The following SCGB2B2 variants were observed in gnomAD, a reference collection of about 807,000 sequenced individuals.
SCGB2B2 encodes secretoglobin-like protein.
SCGB2B2 carries 11 observed loss-of-function variants against 7.6 expected under a neutral mutation model. The observed-to-expected ratio is 1.45, with a 90% CI of 0.91 to 2.40. The LOEUF (loss-of-function observed/expected upper bound fraction) is 2.40. Ranked by LOEUF, SCGB2B2 falls within the 30% of genes most tolerant of loss-of-function variation. SCGB2B2 has a pLI of 0.00. For missense variants in SCGB2B2, 104 were observed against 115.4 expected, an observed-to-expected ratio of 0.90 and a Z score of 0.45; for synonymous variants, 50 against 48.6, an observed-to-expected ratio of 1.03 and a Z score of -0.12.
intron 1 of SCGB2B2, among the ~76,000 whole-genome samples, chr19:34,618,088 G>C (rs1039143484): frequency 6.7e-6 from 1 of 150,130 alleles, no homozygotes; most frequent in African/African-American, 2.5e-5. Context: ...GAAATCACTC[G>C]TCTTCTGCAT....
chr19:34,639,717 G>C (rs1388590134), intron 1 of SCGB2B2, among the ~76,000 whole-genome samples: 3 of 152,124 alleles, frequency 2.0e-5, no homozygotes, highest in Non-Finnish European at 2.9e-5. Context: ...GACCTATCTT[G>C]GGTCCGCAGA....
At chr19:34,636,106 A>G (rs1371609436) in intron 1 of SCGB2B2, among the ~76,000 whole-genome samples, 1 of 152,248 alleles carries the variant, frequency 6.6e-6, no homozygotes, top group Non-Finnish European at 1.5e-5. Flanking sequence ...ATGGCTCCTC[A>G]TCCTCCATTA....
At chr19:34,627,430 G>GAAAAT (rs2066410666) in intron 1 of SCGB2B2, among the ~76,000 whole-genome samples, 1 of 151,890 alleles carries the variant, frequency 6.6e-6, no homozygotes, top group African/African-American at 2.4e-5. Flanking sequence ...CAAGCAAATG[G>GAAAAT]AAAACAAAAC....
At chr19:34,615,264 C>A (rs2066039514) in intron 1 of SCGB2B2, among the ~76,000 whole-genome samples, 1 of 152,120 alleles carries the variant, frequency 6.6e-6, no homozygotes, top group Non-Finnish European at 1.5e-5. Flanking sequence ...GGACTCTAGG[C>A]AGCTTCCTCA....
Position 34,614,269 on chromosome 19 carries a change from T to TAA in SCGB2B2, c.-2031-17677_-2031-17676dup, listed in dbSNP as rs559983499. Among the ~76,000 whole-genome samples the TAA allele has an allele frequency of 7.2e-5, 11 of 152,280 alleles. No homozygotes were observed. In the South Asian group the frequency reaches 2.3e-3, roughly 32 times the overall value. Reference sequence around the variant, plus strand: ...CATTTATTCACCTAGTGGTGTTGCATAAGTTTTATAACTTTTTTTTTCACT... The same window carrying TAA: ...CATTTATTCACCTAGTGGTGTTGCATAAAAGTTTTATAACTTTTTTTTTCACT... On this transcript the variant is annotated intron_variant, in intron 1 of 3. Transcript: ENST00000601241.
chr19:34,658,834 A>AAGAG (rs1555749404), intron 1 of SCGB2B2, among the ~76,000 whole-genome samples: 1 of 118,756 alleles, frequency 8.4e-6, no homozygotes, highest in East Asian at 2.4e-4. Context: ...AAAAAAAAAA[A>AAGAG]AGAGAGAGAA....
At chr19:34,612,013 T>C (rs1183887250) in intron 1 of SCGB2B2, among the ~76,000 whole-genome samples, 2 of 145,696 alleles carry the variant, frequency 1.4e-5, no homozygotes, top group Admixed American at 7.3e-5. Flanking sequence ...ATTTGTGTTT[T>C]AGAAAATTCT....
intron 1 of SCGB2B2, among the ~76,000 whole-genome samples, chr19:34,618,722 T>A (rs2066159163): frequency 6.6e-6 from 1 of 152,218 alleles, no homozygotes; most frequent in South Asian, 2.1e-4. Flanking sequence ...AACTCTTTCT[T>A]CAGTAGTTTC....
At chr19:34,668,475 G>GCC (rs1484743049) in intron 1 of SCGB2B2, among the ~76,000 whole-genome samples, 1 of 152,106 alleles carries the variant, frequency 6.6e-6, no homozygotes, top group Admixed American at 6.5e-5. Flanking sequence ...GACGAGCGCC[G>GCC]CCCCCTGCTC....
chr19:34,645,757 G>A (rs534388471), intron 1 of SCGB2B2: 153 of 346,266 alleles, frequency 4.4e-4, no homozygotes, highest in Non-Finnish European at 7.2e-4. Flanking sequence ...AGAGGAAACA[G>A]GTGGCCCTGC....
chr19:34,617,255 A>G (rs2066109672), intron 1 of SCGB2B2, among the ~76,000 whole-genome samples: 1 of 151,514 alleles, frequency 6.6e-6, no homozygotes, highest in Admixed American at 6.6e-5. Context: ...GATGGCATTG[A>G]ATCTGTAAAT....
chr19:34,662,067 A>T (rs1041919183), intron 1 of SCGB2B2, among the ~76,000 whole-genome samples: 1 of 151,938 alleles, frequency 6.6e-6, no homozygotes, highest in African/African-American at 2.4e-5. Flanking sequence ...TTTTTAGTGG[A>T]GAGGAGCTTT....
intron 1 of SCGB2B2, among the ~76,000 whole-genome samples, chr19:34,602,164 A>T (rs2065645074): frequency 6.6e-6 from 1 of 152,152 alleles, no homozygotes; most frequent in Non-Finnish European, 1.5e-5. Context: ...AAAGATGATG[A>T]ATTTTAGAAC....
At chr19:34,657,354 C>T (rs1385283747) in intron 1 of SCGB2B2, among the ~76,000 whole-genome samples, 1 of 150,980 alleles carries the variant, frequency 6.6e-6, no homozygotes, top group African/African-American at 2.5e-5. Flanking sequence ...TTCAGGAGAC[C>T]CATCTCATGT....
chr19:34,600,230 C>A (rs779786541), intron 1 of SCGB2B2, among the ~76,000 whole-genome samples: 2 of 152,174 alleles, frequency 1.3e-5, no homozygotes, highest in Non-Finnish European at 2.9e-5. Flanking sequence ...CGTAATGTGT[C>A]TGTTCTCCCG....
intron 1 of SCGB2B2, among the ~76,000 whole-genome samples, chr19:34,636,058 T>C (rs556206794): frequency 1.5e-4 from 23 of 152,248 alleles, no homozygotes; most frequent in Admixed American, 5.9e-4. Context: ...CAGCTGGACC[T>C]GCCTTAGGAG....
chr19:34,607,575 C>T (rs2065816367), intron 1 of SCGB2B2, among the ~76,000 whole-genome samples: 1 of 152,188 alleles, frequency 6.6e-6, no homozygotes, highest in African/African-American at 2.4e-5. Flanking sequence ...CAATAGTGCA[C>T]AAGGGTTCCA....
chr19:34,588,827 G>A (rs1382538016), downstream of SCGB2B2, among the ~76,000 whole-genome samples: 1 of 115,472 alleles, frequency 8.7e-6, no homozygotes, highest in Admixed American at 9.1e-5. Flanking sequence ...GGAAATGGGG[G>A]TGCTAAGAGT....
chr19:34,597,290 G>A (rs1388939461), intron 1 of SCGB2B2, among the ~76,000 whole-genome samples: 1 of 152,126 alleles, frequency 6.6e-6, no homozygotes, highest in Non-Finnish European at 1.5e-5. Context: ...GAGGTTACCT[G>A]GCACACAGGT....
Sources: allele counts gnomAD v4.1 joint callset (sites outside exome capture counted in the v4.1 genomes callset), GRCh38; gene constraint gnomAD v4.1.1; transcripts MANE v1.5; gene names NCBI Gene and HGNC (gene_info 2026-07-23, HGNC 2026-07-21).